AGO4: variants seen among roughly 807,000 people sequenced by gnomAD.
AGO4 encodes protein argonaute-4.
Under a neutral mutation model 104.7 loss-of-function variants are expected in AGO4, and 33 were observed. The ratio of observed to expected loss-of-function variants is 0.32; its 90% CI spans 0.24 to 0.42. The LOEUF is 0.42. Ranked by LOEUF, AGO4 falls within the 10% of genes least tolerant of loss-of-function variation. The probability of loss-of-function intolerance (pLI) is 1.00; values close to 1 mark genes in which losing one functional copy is unlikely to be tolerated. For missense variants in AGO4, 711 were observed against 1,083.4 expected, an observed-to-expected ratio of 0.66 and a Z score of 4.83; for synonymous variants, 331 against 364.7, an observed-to-expected ratio of 0.91 and a Z score of 1.05.
At chr1:35,819,625 C>T (rs904787652) in intron 2 of AGO4, among the ~76,000 whole-genome samples, 2 of 149,362 alleles carry the variant, frequency 1.3e-5, no homozygotes, top group Non-Finnish European at 3.0e-5. Flanking sequence ...CCCAGCTACT[C>T]GGGAGGCTGA....
At chr1:35,811,145 A>AACAAC (rs890611626) in intron 1 of AGO4, among the ~76,000 whole-genome samples, 1 of 150,584 alleles carries the variant, frequency 6.6e-6, no homozygotes, top group Non-Finnish European at 1.5e-5. Flanking sequence ...AACAAAACAA[A>AACAAC]ACAACAAAAA....
rs568626121 is a variant in AGO4, at chr1:35,846,288, A to G, written c.2176-3869A>G. On this transcript the variant is annotated intron_variant, in intron 15 of 17. Coordinates refer to ENST00000373210, the MANE Select transcript of AGO4 (RefSeq NM_017629.4). ...TCTTTGCCCCATTTCCAGTCCCTCC[A>G]TACGCATTTAGAAAATAGTCCTCTG... Among the ~76,000 whole-genome samples the G allele has an allele frequency of 1.2e-3, 175 of 152,152 alleles. 2 individuals carry two copies. In the South Asian group the frequency reaches 0.034, roughly 30 times the overall value.
chr1:35,841,554 G>A lies in AGO4; in HGVS notation c.2041-62G>A. The A allele has an allele frequency of 6.2e-7, 1 of 1,611,836 alleles. No homozygotes were observed. Among genetic ancestry groups the A allele is most frequent in the Non-Finnish European group, 8.5e-7 (1 of 1,178,422 alleles). On this transcript the variant is annotated intron_variant, in intron 14 of 17. Coordinates refer to ENST00000373210, the MANE Select transcript of AGO4 (RefSeq NM_017629.4). The surrounding 1 kb of genome is among the most constrained non-coding windows in gnomAD (Gnocchi z 4.7). The stretch of plus-strand genomic sequence containing the variant: ...GAGATTCCTCTCATCTACCATTCTG[G>A]GTAGATCTGAGAGATACTAGGCAAA...
rs1557560274 is a variant in AGO4 at position 35,826,779 on chromosome 1, G to T, written c.792G>T (p.Gln264His). ...AAGTTGAGGTGACCCACTGTGGACAGATGAAACGAAAATACCGAGTTTGTA... is the reference window on the plus strand; with the variant it reads ...AAGTTGAGGTGACCCACTGTGGACATATGAAACGAAAATACCGAGTTTGTA... ...GLKVEVTHCG[Q>H]MKRKYRVCNV... The change falls in exon 7 of 18, where the codon CAG becomes CAT. Residue 264 changes from glutamine to histidine, a missense_variant. Gln to His is a conservative substitution (Grantham distance 24). This residue lies in a region of AGO4 where 308 missense variants were observed against 397.8 expected (regional missense o/e 0.77). Coordinates refer to ENST00000373210, the MANE Select transcript of AGO4 (RefSeq NM_017629.4). 1.9e-6 allele frequency: 3 copies of T among 1,614,052 alleles called. No homozygotes were observed. The highest frequency in any genetic ancestry group is 2.5e-6 in the Non-Finnish European group (3 of 1,180,020).
At chr1:35,834,683 A>G (rs1324683129) in intron 12 of AGO4, among the ~76,000 whole-genome samples, 3 of 152,170 alleles carry the variant, frequency 2.0e-5, no homozygotes, top group Non-Finnish European at 4.4e-5. Flanking sequence ...TATCATTTAA[A>G]TAAAGGATAT....
At chr1:35,843,571 G>A (rs1644499063) in intron 15 of AGO4, among the ~76,000 whole-genome samples, 1 of 151,834 alleles carries the variant, frequency 6.6e-6, no homozygotes, top group Admixed American at 6.6e-5. Flanking sequence ...TAAGAAATCT[G>A]TACCTGTGCC....
chr1:35,835,006 C>CTTTT lies in AGO4; in HGVS notation c.1565-809_1565-806dup, dbSNP rs34516326. On this transcript the variant is annotated intron_variant, in intron 12 of 17. Coordinates refer to ENST00000373210, the MANE Select transcript of AGO4 (RefSeq NM_017629.4). The stretch of plus-strand genomic sequence containing the variant: ...GCCAGCACGCCCAGCCAGTTTTAAA[C>CTTTT]TTTTTTTTTTTTTTTTTTTTTTGAG... 8.1e-3 allele frequency among the ~76,000 whole-genome samples: 831 copies of CTTTT among 102,740 alleles called. 2 individuals carry two copies. The highest frequency in any genetic ancestry group is 0.016 in the Middle Eastern group (2 of 124). The allele number at this position is 102,740 out of a possible 152,430, so 67.4% of individuals were successfully genotyped here. A position where few individuals can be genotyped will look rare whatever the true frequency, so the allele number is the denominator to read the frequency against.
intron 15 of AGO4, among the ~76,000 whole-genome samples, chr1:35,846,292 G>A (rs1198576902): frequency 1.3e-5 from 2 of 151,884 alleles, no homozygotes; most frequent in South Asian, 2.1e-4. Flanking sequence ...CCCTCCATAC[G>A]CATTTAGAAA....
At chr1:35,852,854 A>C (rs1411921717) in intron 17 of AGO4, among the ~76,000 whole-genome samples, 1 of 152,212 alleles carries the variant, frequency 6.6e-6, no homozygotes, top group East Asian at 1.9e-4. Context: ...AGCCTAAAGA[A>C]ATTAGCCAGA....
At chr1:35,811,427 A>G (rs1004929229) in intron 1 of AGO4, among the ~76,000 whole-genome samples, 1 of 149,570 alleles carries the variant, frequency 6.7e-6, no homozygotes, top group African/African-American at 2.5e-5. Context: ...GCGCCACTGC[A>G]CTCCAGCCTG....
At position 35,808,514 on chromosome 1, in the gene AGO4, C is replaced by A; in HGVS notation, c.19+79C>A. ...GCGGCCGGGACTTTCGCTGCCCCGT[C>A]GCCTCGCCGGGTTCGGGCCGCCAGG... On this transcript the variant is annotated intron_variant, in intron 1 of 17. Transcript: ENST00000373210. The surrounding 1 kb of genome is among the most constrained non-coding windows in gnomAD (Gnocchi z 5.2). The A allele has an allele frequency of 1.7e-6, 2 of 1,148,420 alleles. No individual in the cohort carries two copies. The highest frequency in any genetic ancestry group is 4.3e-5 in the South Asian group (1 of 23,342). The allele number at this position is 1,148,420 out of a possible 1,614,324, so 71.1% of individuals were successfully genotyped here.
intron 7 of AGO4, among the ~76,000 whole-genome samples, chr1:35,829,629 G>T (rs1644125649): frequency 6.6e-6 from 1 of 152,002 alleles, no homozygotes; most frequent in Non-Finnish European, 1.5e-5. Flanking sequence ...TAGAGGTCAG[G>T]AGTTCAAGAC....
chr1:35,846,032 G>C (rs1644564627), intron 15 of AGO4, among the ~76,000 whole-genome samples: 1 of 152,192 alleles, frequency 6.6e-6, no homozygotes, highest in African/African-American at 2.4e-5. Flanking sequence ...AGTCACCCCT[G>C]AGATAATTGG....
intron 16 of AGO4, among the ~76,000 whole-genome samples, 173 bp from the exon 17 acceptor site, chr1:35,850,681 C>T (rs572101081): frequency 4.7e-5 from 7 of 147,710 alleles, no homozygotes; most frequent in East Asian, 2.1e-4. Context: ...CTTGGGAGGC[C>T]GAGGCAGGAG....
At chr1:35,837,264 A>C (rs1211830698) in intron 13 of AGO4, among the ~76,000 whole-genome samples, 1 of 151,878 alleles carries the variant, frequency 6.6e-6, no homozygotes, top group Non-Finnish European at 1.5e-5. Context: ...TTGTATTTTT[A>C]GTAGAGACAG....
intron 1 of AGO4, among the ~76,000 whole-genome samples, chr1:35,811,440 T>C (rs1643500870): frequency 6.9e-6 from 1 of 144,508 alleles, no homozygotes; most frequent in African/African-American, 2.6e-5. Context: ...CCAGCCTGGG[T>C]GACAGAGCAA....
chr1:35,820,798 A>C (rs930866362), intron 2 of AGO4, among the ~76,000 whole-genome samples: 4 of 152,220 alleles, frequency 2.6e-5, no homozygotes, highest in Admixed American at 1.3e-4. Flanking sequence ...AGCAGATCAG[A>C]GTACAAAGGC....
Position 35,825,741 on chromosome 1 carries a change from G to A in AGO4, c.551G>A (p.Gly184Glu), listed in dbSNP as rs1287473205. 6.3e-7 allele frequency: 1 copy of A among 1,593,986 alleles called. No individual in the cohort carries two copies. Among genetic ancestry groups the A allele is most frequent in the Non-Finnish European group, 8.5e-7 (1 of 1,173,018 alleles). ...PPEGYYHPLG[G>E]GREVWFGFHQ... is the part of the protein sequence containing the mutation. ...GAAGGTTACTACCACCCTCTGGGAGGGGGCAGGGAGGTCTGGTTTGGTTTT... is the reference window on the plus strand; with the variant it reads ...GAAGGTTACTACCACCCTCTGGGAGAGGGCAGGGAGGTCTGGTTTGGTTTT... The change falls in exon 5 of 18, where the codon GGG becomes GAG. Residue 184 changes from glycine (G) to glutamate (E), a missense_variant. By Grantham distance (98) the Gly-to-Glu change is moderately conservative. Around this residue, in one of 3 missense-constraint regions of AGO4, gnomAD observed 308 missense variants for 397.8 expected, o/e 0.77. Coordinates refer to ENST00000373210, the MANE Select transcript of AGO4 (RefSeq NM_017629.4).
intron 7 of AGO4, among the ~76,000 whole-genome samples, chr1:35,828,502 A>G (rs1410931758): frequency 6.7e-6 from 1 of 148,376 alleles, no homozygotes; most frequent in Non-Finnish European, 1.5e-5. Flanking sequence ...CCCCAATCTC[A>G]TTTTCCTAAT....
Sources: allele counts gnomAD v4.1 joint callset (sites outside exome capture counted in the v4.1 genomes callset), GRCh38; gene constraint gnomAD v4.1.1; regional missense constraint gnomAD v4.1.1; non-coding constraint Gnocchi (gnomAD v3.1); transcripts MANE v1.5; gene names NCBI Gene and HGNC (gene_info 2026-07-23, HGNC 2026-07-21).